GLS: variants seen among roughly 807,000 people sequenced by gnomAD.
GLS encodes glutaminase.
GLS carries 36 observed loss-of-function variants against 86.7 expected under a neutral mutation model. The ratio of observed to expected loss-of-function variants is 0.42; its 90% CI spans 0.32 to 0.55. The LOEUF (loss-of-function observed/expected upper bound fraction) is 0.55. GLS is among the 20% of genes least tolerant of loss of function. The pLI is 0.17. For missense variants in GLS, 528 were observed against 833.4 expected (o/e 0.63, Z 4.51); for synonymous variants, 317 against 305.9 (o/e 1.04, Z -0.38).
Position 190,956,599 on chromosome 2 carries a change from A to G in GLS, c.1853+1781A>G, listed in dbSNP as rs1307370193. Among the ~76,000 whole-genome samples, 1 of 151,990 alleles carries G rather than the reference A, an allele frequency of 6.6e-6. No homozygotes were observed. The highest frequency in any genetic ancestry group is 1.5e-5 in the Non-Finnish European group (1 of 68,004). ...TGGCTATGTGGGCTCTTTTTTGGTT[A>G]TATATGAAATTTAAGGTATTTTTTT... On this transcript the variant is annotated intron_variant, in intron 17 of 17. Transcript: ENST00000320717. This position sits in a 1 kb window ranked among gnomAD's most constrained non-coding sequence, Gnocchi z 4.2.
In GLS at chr2:190,955,435, A is replaced by G. The variant is rs1317374021; in HGVS notation, c.1853+617A>G. On this transcript the variant is annotated intron_variant, in intron 17 of 17. Transcript: ENST00000320717. This position sits in a 1 kb window ranked among gnomAD's most constrained non-coding sequence, Gnocchi z 5.6. ...AGAATGATGGTTTCCAGCTTCACCC[A>G]TGTCCCTGCAAAGGACATGAACTCA... 1.3e-5 allele frequency among the ~76,000 whole-genome samples: 2 copies of G among 152,136 alleles called. No homozygotes were observed. The highest frequency in any genetic ancestry group is 2.1e-4 in the South Asian group (1 of 4,828).
chr2:190,924,848 G>A lies in GLS; in HGVS notation c.1248+255G>A, dbSNP rs1574599077. 2 of 352,710 alleles carry A rather than the reference G, an allele frequency of 5.7e-6. No homozygotes were observed. The highest frequency in any genetic ancestry group is 4.2e-5 in the African/African-American group (2 of 47,548). The allele number at this position is 352,710 out of a possible 1,614,324, so 21.8% of individuals were successfully genotyped here. On this transcript the variant is annotated intron_variant, in intron 11 of 17. Transcript: ENST00000320717. The surrounding 1 kb of genome is among the most constrained non-coding windows in gnomAD (Gnocchi z 5.2). ...GAGAATCCCTTGAACCTGGAAGGCCGAGGTTGCAGTGAGCCGAGATCACGC... is the reference window on the plus strand; with the variant it reads ...GAGAATCCCTTGAACCTGGAAGGCCAAGGTTGCAGTGAGCCGAGATCACGC...
At position 190,905,192 on chromosome 2, in the gene GLS, GA is replaced by G. The variant is rs766608427; in HGVS notation, c.979+31del. The G allele has an allele frequency of 1.4e-6, 2 of 1,386,646 alleles. No individual in the cohort carries two copies. The highest frequency in any genetic ancestry group is 2.3e-5 in the East Asian group (1 of 43,228). The allele number at this position is 1,386,646 out of a possible 1,614,324, so 85.9% of individuals were successfully genotyped here. A position where few individuals can be genotyped will look rare whatever the true frequency, so the allele number is the denominator to read the frequency against. ...GGTAAGAATTACATAAACATTGGTT[GA>G]AAAAAGAAATGTCTCATTTTCCTAT... On this transcript the variant is annotated intron_variant, in intron 6 of 17. Transcript: ENST00000320717. This position sits in a 1 kb window ranked among gnomAD's most constrained non-coding sequence, Gnocchi z 4.6.
rs1689829318 is a variant in GLS, at chr2:190,924,152, A to G, written c.1197+169A>G. 6.6e-6 allele frequency among the ~76,000 whole-genome samples: 1 copy of G among 152,136 alleles called. No homozygotes were observed. Among genetic ancestry groups the G allele is most frequent in the East Asian group, 1.9e-4 (1 of 5,200 alleles). On this transcript the variant is annotated intron_variant, in intron 10 of 17. Coordinates refer to ENST00000320717, the MANE Select transcript of GLS (RefSeq NM_014905.5). The surrounding 1 kb of genome is among the most constrained non-coding windows in gnomAD (Gnocchi z 5.2). ...TCAGTGTTATCAAATTGTTAATGTT[A>G]TTGTTAATTTGATTTGTATCTGGCA...
rs761952418 is a variant in GLS at position 190,902,812 on chromosome 2, A to G, written c.815+786A>G. On this transcript the variant is annotated intron_variant, in intron 5 of 17. Coordinates refer to ENST00000320717, the MANE Select transcript of GLS (RefSeq NM_014905.5). Reference sequence around the variant, plus strand: ...ATATTCTTTTTTCACTCATTTTTAAAGACTTAGCTCAGAGATATATTCCTT... The same window carrying G: ...ATATTCTTTTTTCACTCATTTTTAAGGACTTAGCTCAGAGATATATTCCTT... Among the ~76,000 whole-genome samples the G allele has an allele frequency of 8.5e-5, 13 of 152,306 alleles. 1 individual carries two copies. The highest frequency in any genetic ancestry group is 5.2e-4 in the Admixed American group (8 of 15,302).
intron 7 of GLS, among the ~76,000 whole-genome samples, chr2:190,912,518 T>C (rs1417001605): frequency 2.0e-5 from 3 of 152,112 alleles, no homozygotes; most frequent in Admixed American, 2.0e-4. Flanking sequence ...AATTGTATGA[T>C]CACATAATAT....
chr2:190,911,248 A>G (rs1689348301), intron 7 of GLS, among the ~76,000 whole-genome samples: 3 of 152,164 alleles, frequency 2.0e-5, no homozygotes, highest in Middle Eastern at 6.8e-3. Context: ...ATTTGAGTAT[A>G]AATGATACCC....
At chr2:190,922,444 A>G (rs535309534) in intron 9 of GLS, among the ~76,000 whole-genome samples, 2 of 152,220 alleles carry the variant, frequency 1.3e-5, no homozygotes, top group East Asian at 1.9e-4. Flanking sequence ...GAAGTATTCC[A>G]TGAATCTCAA....
chr2:190,894,717 A>T (rs1688670422), intron 1 of GLS, among the ~76,000 whole-genome samples: 1 of 152,204 alleles, frequency 6.6e-6, no homozygotes, highest in South Asian at 2.1e-4. Context: ...AGATTTTATA[A>T]TCAGGTTAAC....
chr2:190,881,523 C>G (rs1262939802), intron 1 of GLS, 53 bp downstream of exon 1: 1 of 1,498,528 alleles, frequency 6.7e-7, no homozygotes, highest in Non-Finnish European at 9.0e-7. Context: ...GGCCCGGGCT[C>G]AGGCTGTGTG....
At position 190,895,503 on chromosome 2, in the gene GLS, G is replaced by C; in HGVS notation, c.484-101G>C. 5.2e-6 allele frequency: 4 copies of C among 770,266 alleles called. No homozygotes were observed. The highest frequency in any genetic ancestry group is 8.2e-6 in the Non-Finnish European group (4 of 486,556). The allele number at this position is 770,266 out of a possible 1,614,324, so 47.7% of individuals were successfully genotyped here. On this transcript the variant is annotated intron_variant, in intron 2 of 17. Coordinates refer to ENST00000320717, the MANE Select transcript of GLS (RefSeq NM_014905.5). The surrounding 1 kb of genome is among the most constrained non-coding windows in gnomAD (Gnocchi z 4.2). ...GATGCCATATTCATGTTCAAGTGTTGGGTAGAAGTTTTTATATACAGGAAT... is the reference window on the plus strand; with the variant it reads ...GATGCCATATTCATGTTCAAGTGTTCGGTAGAAGTTTTTATATACAGGAAT...
rs1332449013 is a variant in GLS at position 190,963,385 on chromosome 2, T to C, written c.*399T>C. The C allele has an allele frequency of 1.3e-5, 2 of 154,968 alleles. No individual in the cohort carries two copies. Among genetic ancestry groups the C allele is most frequent in the South Asian group, 2.0e-4 (1 of 5,024 alleles). 9.6% of individuals were successfully genotyped at this position (154,968 alleles called of 1,614,324 possible). A position where few individuals can be genotyped will look rare whatever the true frequency, so the allele number is the denominator to read the frequency against. On this transcript the variant is annotated 3_prime_UTR_variant, in exon 18 of 18. Coordinates refer to ENST00000320717, the MANE Select transcript of GLS (RefSeq NM_014905.5). ...GGTCAAGGTTGCCTTTAGAAGCAAA[T>C]AGTGTGATTTTCAAGACTTCAAATA...
rs777735838 is a variant in GLS at position 190,947,464 on chromosome 2, C to A, written c.1651-6101C>A. ...AAATGCAGTAGTGCTGGAAAATCTA[C>A]AAGATGAAGGGGAAACTGTTAACAG... On this transcript the variant is annotated intron_variant, in intron 14 of 17. Transcript: ENST00000320717. The surrounding 1 kb of genome is among the most constrained non-coding windows in gnomAD (Gnocchi z 5.0). Among the ~76,000 whole-genome samples, 1 of 152,114 alleles carries A rather than the reference C, an allele frequency of 6.6e-6. No individual in the cohort carries two copies. Among genetic ancestry groups the A allele is most frequent in the Non-Finnish European group, 1.5e-5 (1 of 68,018 alleles).
chr2:190,934,448 A>G (rs1690208005), intron 14 of GLS: 1 of 960,440 alleles, frequency 1.0e-6, no homozygotes. Context: ...CAAGGATTTT[A>G]TGCTTACTTG....
At chr2:190,960,699 C>T (rs1171306697) in intron 17 of GLS, among the ~76,000 whole-genome samples, 1 of 151,882 alleles carries the variant, frequency 6.6e-6, no homozygotes, top group African/African-American at 2.4e-5. Context: ...AAAATTAGGG[C>T]TTGGGTTTTG....
chr2:190,881,576 A>C lies in GLS; in HGVS notation c.386+106A>C. On this transcript the variant is annotated intron_variant, in intron 1 of 17. Coordinates refer to ENST00000320717, the MANE Select transcript of GLS (RefSeq NM_014905.5). ...GGGATAGGAGCCGAGGGTCTAGAAA[A>C]GAGAAAGAAAGAGGTGCCGGGCGGC... 7 of 1,061,192 alleles carry C rather than the reference A, an allele frequency of 6.6e-6. 1 individual carries two copies. The South Asian group carries it at 9.8e-5, about 15-fold the overall frequency. The allele number at this position is 1,061,192 out of a possible 1,614,324, so 65.7% of individuals were successfully genotyped here.
intron 6 of GLS, among the ~76,000 whole-genome samples, chr2:190,907,964 A>G (rs1689217894): frequency 6.6e-6 from 1 of 152,200 alleles, no homozygotes; most frequent in South Asian, 2.1e-4. Flanking sequence ...GATTGAGAAA[A>G]AAGAGGAGTT....
At chr2:190,936,719 A>G (rs1690280256) in intron 14 of GLS, among the ~76,000 whole-genome samples, 1 of 151,280 alleles carries the variant, frequency 6.6e-6, no homozygotes, top group Admixed American at 6.6e-5. Context: ...TCCAAAATGT[A>G]TTATAAGGAA....
chr2:190,885,254 T>C (rs1574555456), intron 1 of GLS, among the ~76,000 whole-genome samples: 1 of 151,812 alleles, frequency 6.6e-6, no homozygotes, highest in South Asian at 2.1e-4. Context: ...TGCAGTGGTG[T>C]GATCTCGGTT....
Sources: gnomAD v4.1 joint callset for allele counts (sites outside exome capture counted in the v4.1 genomes callset) on GRCh38, gnomAD v4.1.1 for gene constraint, Gnocchi (gnomAD v3.1) non-coding constraint, MANE v1.5 for transcripts, NCBI Gene and HGNC (gene_info 2026-07-23, HGNC 2026-07-21) for gene names.